The following PLXDC1 variants were observed in gnomAD, a reference collection of about 807,000 sequenced individuals.
PLXDC1 encodes plexin domain-containing protein 1.
Under a neutral mutation model 61.3 loss-of-function variants are expected in PLXDC1, and 39 were observed. The observed-to-expected ratio is 0.64, with a 90% CI of 0.49 to 0.83. The LOEUF (loss-of-function observed/expected upper bound fraction) is 0.83, where lower values mean the gene tolerates loss of function less well. PLXDC1 is among the 40% of genes least tolerant of loss of function. The pLI is 0.00. For synonymous variants in PLXDC1, 212 were observed against 254.5 expected (o/e 0.83, Z 1.59); for missense variants, 596 against 666.5 (o/e 0.89, Z 1.17).
intron 7 of PLXDC1, among the ~76,000 whole-genome samples, chr17:39,089,712 C>T (rs927818059): frequency 2.0e-5 from 3 of 152,194 alleles, no homozygotes; most frequent in Non-Finnish European, 2.9e-5. Flanking sequence ...GTGGGCGTCC[C>T]GTGCCACTGC....
intron 2 of PLXDC1, among the ~76,000 whole-genome samples, chr17:39,121,912 C>G (rs34106149): frequency 0.091 from 13,796 of 151,988 alleles, 681 homozygotes; most frequent in East Asian, 0.12. Flanking sequence ...GCCTGGCCAA[C>G]ATGGCGAAAC....
intron 1 of PLXDC1, among the ~76,000 whole-genome samples, chr17:39,148,241 G>A (rs557365814): frequency 2.0e-5 from 3 of 152,122 alleles, no homozygotes; most frequent in East Asian, 1.9e-4. Flanking sequence ...ATGGGACCTC[G>A]TTATGCTGCC....
intron 2 of PLXDC1, among the ~76,000 whole-genome samples, chr17:39,135,676 TAAAAAAAAA>T (rs35762241): frequency 9.6e-6 from 1 of 104,402 alleles, no homozygotes; most frequent in African/African-American, 3.6e-5. Context: ...ACACTCCGTC[TAAAAAAAAA>T]AAAAAAAAAA....
At chr17:39,093,532 C>T (rs1230502889) in intron 7 of PLXDC1, among the ~76,000 whole-genome samples, 2 of 151,994 alleles carry the variant, frequency 1.3e-5, no homozygotes, top group African/African-American at 4.8e-5. Context: ...GCCTGGCCAA[C>T]ATGGTGAAAC....
chr17:39,132,769 G>A (rs954058985), intron 2 of PLXDC1, among the ~76,000 whole-genome samples: 1 of 152,124 alleles, frequency 6.6e-6, no homozygotes, highest in Non-Finnish European at 1.5e-5. Flanking sequence ...GCAGCCAGGA[G>A]GGTTACTGAG....
At chr17:39,132,540 C>T (rs1911600148) in intron 2 of PLXDC1, among the ~76,000 whole-genome samples, 1 of 152,122 alleles carries the variant, frequency 6.6e-6, no homozygotes, top group Admixed American at 6.5e-5. Context: ...TGACCAGGGT[C>T]CTCGGAGCTG....
At chr17:39,120,365 C>A (rs889172365) in intron 2 of PLXDC1, among the ~76,000 whole-genome samples, 1 of 151,992 alleles carries the variant, frequency 6.6e-6, no homozygotes, top group Non-Finnish European at 1.5e-5. Context: ...CCACCCTCCT[C>A]GGGCTCCCAA....
At chr17:39,150,545 A>G (rs1246430159) in intron 1 of PLXDC1, among the ~76,000 whole-genome samples, 1 of 152,228 alleles carries the variant, frequency 6.6e-6, no homozygotes, top group East Asian at 1.9e-4. Context: ...AGGGGAGAAC[A>G]GAGACTATGA....
chr17:39,108,877 C>T lies in PLXDC1; in HGVS notation c.469+27G>A, dbSNP rs553858255. ...GTTCGGGCTGAGGTCTCCAGACTCT[C>T]CCCGGGGCCCCACGACGTGGCCTTA... On this transcript the variant is annotated intron_variant, in intron 4 of 13. Coordinates refer to ENST00000315392, the MANE Select transcript of PLXDC1 (RefSeq NM_020405.5). 7 of 1,573,526 alleles carry T rather than the reference C, an allele frequency of 4.4e-6. No homozygotes were observed. The South Asian group carries it at 5.6e-5, about 13-fold the overall frequency.
intron 11 of PLXDC1, among the ~76,000 whole-genome samples, chr17:39,074,767 C>G (rs1007855435): frequency 6.6e-6 from 1 of 152,102 alleles, no homozygotes; most frequent in Admixed American, 6.5e-5. Flanking sequence ...CACCCCTCCC[C>G]GCCCTGGCCC....
chr17:39,082,576 AGCACTGGAAAGG>A (rs1355824458), intron 9 of PLXDC1, among the ~76,000 whole-genome samples: 6 of 151,186 alleles, frequency 4.0e-5, no homozygotes, highest in African/African-American at 1.2e-4. Context: ...AAAAAAAAAA[AGCACTGGAAAGG>A]AGCATTGGAA....
At chr17:39,073,814 G>A (rs1456756980) in intron 11 of PLXDC1, among the ~76,000 whole-genome samples, 1 of 152,216 alleles carries the variant, frequency 6.6e-6, no homozygotes, top group Non-Finnish European at 1.5e-5. Flanking sequence ...TCTGCACACA[G>A]TTGTTCTGGG....
intron 7 of PLXDC1, among the ~76,000 whole-genome samples, chr17:39,092,384 C>G (rs1909989271): frequency 6.6e-6 from 1 of 152,218 alleles, no homozygotes; most frequent in South Asian, 2.1e-4. Context: ...CATCTCTTTA[C>G]AATTTACCAA....
intron 2 of PLXDC1, among the ~76,000 whole-genome samples, chr17:39,132,747 GA>G (rs1321910876): frequency 6.6e-6 from 1 of 152,300 alleles, no homozygotes; most frequent in Admixed American, 6.5e-5. Context: ...GGCTGAGCCA[GA>G]GGGGAGGTCC....
chr17:39,118,123 A>T (rs77003073), intron 2 of PLXDC1, among the ~76,000 whole-genome samples: 6 of 110,518 alleles, frequency 5.4e-5, no homozygotes, highest in African/African-American at 1.1e-4. Flanking sequence ...TCTCTCTCTC[A>T]ATCTCTTCCT....
In PLXDC1 at chr17:39,067,122, A is replaced by G. The variant is rs574372465; in HGVS notation, c.*718T>C. 1 of 152,370 alleles carries G rather than the reference A, an allele frequency of 6.6e-6. No homozygotes were observed. Among genetic ancestry groups the G allele is most frequent in the South Asian group, 2.1e-4 (1 of 4,828 alleles). The allele number at this position is 152,370 out of a possible 1,614,324, so 9.4% of individuals were successfully genotyped here. ...TGCGTCATAGCCAATACGTTGAGAG[A>G]CAAGGAGTTGGAGCAAGGAAAGGGA... On this transcript the variant is annotated 3_prime_UTR_variant, in exon 14 of 14. Transcript: ENST00000315392.
chr17:39,127,337 GCCGGGACCATC>G (rs1425839709), intron 2 of PLXDC1, among the ~76,000 whole-genome samples: 2 of 152,072 alleles, frequency 1.3e-5, no homozygotes, highest in Non-Finnish European at 2.9e-5. Context: ...CAGAACTAAA[GCCGGGACCATC>G]CTGGGAAACC....
rs183408714 is a variant in PLXDC1, at chr17:39,134,043, G to C, written c.255+5611C>G. 2.2e-3 allele frequency among the ~76,000 whole-genome samples: 340 copies of C among 152,018 alleles called. 8 individuals are homozygous for C. In the East Asian group the frequency reaches 0.037, roughly 16 times the overall value. On this transcript the variant is annotated intron_variant, in intron 2 of 13. Transcript: ENST00000315392. ...GAGGTCAAGGTGGGTGGATCACGAG[G>C]TCAGGAGATCAAGACCATCCTGGCT...
rs79255423 is a variant in PLXDC1 at position 39,083,856 on chromosome 17, C to T, written c.908-316G>A. Among the ~76,000 whole-genome samples, 121 of 152,192 alleles carry T rather than the reference C, an allele frequency of 8.0e-4. 1 individual carries two copies. In the East Asian group the frequency reaches 0.021, roughly 26 times the overall value. On this transcript the variant is annotated intron_variant, in intron 8 of 13. Transcript: ENST00000315392. The stretch of plus-strand genomic sequence containing the variant: ...CCATCTCTTCCTCCCTCCCTACCTA[C>T]CTTCCTTTTTTCCTTCTTCTGTCCC...
Sources: gnomAD v4.1 joint callset for allele counts (sites outside exome capture counted in the v4.1 genomes callset) on GRCh38, gnomAD v4.1.1 for gene constraint, MANE v1.5 for transcripts, NCBI Gene and HGNC (gene_info 2026-07-23, HGNC 2026-07-21) for gene names.